MYRIP: variants seen among roughly 807,000 people sequenced by gnomAD.
The protein encoded by MYRIP is myosin VIIA and Rab interacting protein.
MYRIP carries 49 observed loss-of-function variants against 98.0 expected under a neutral mutation model. That is an observed-to-expected ratio of 0.50 (90% CI 0.40 to 0.63). The LOEUF (loss-of-function observed/expected upper bound fraction) is 0.63, where lower values mean the gene tolerates loss of function less well. Among genes scored for constraint, MYRIP ranks in the 30% least tolerant of loss-of-function variants. MYRIP has a pLI of 0.00. For synonymous variants in MYRIP, 404 were observed against 409.5 expected (o/e 0.99, Z 0.16); for missense variants, 1,004 against 1,058.2 (o/e 0.95, Z 0.71).
At chr3:39,905,339 A>G (rs955440230) in intron 2 of MYRIP, among the ~76,000 whole-genome samples, 3 of 152,128 alleles carry the variant, frequency 2.0e-5, no homozygotes, top group Non-Finnish European at 2.9e-5. Flanking sequence ...CTGTTGCTAT[A>G]TTTCAATATA....
intron 1 of MYRIP, among the ~76,000 whole-genome samples, chr3:39,884,798 C>T (rs1317629488): frequency 1.4e-5 from 2 of 138,098 alleles, no homozygotes; most frequent in South Asian, 4.9e-4. Context: ...TATGGCTATA[C>T]AGTCATTATT....
chr3:40,137,274 G>T (rs1949799693), intron 3 of MYRIP, among the ~76,000 whole-genome samples: 1 of 152,298 alleles, frequency 6.6e-6, no homozygotes, highest in South Asian at 2.1e-4. Context: ...GAATAAACTA[G>T]AAAATCTAGA....
intron 1 of MYRIP, among the ~76,000 whole-genome samples, chr3:39,824,388 G>T (rs991898336): frequency 3.9e-5 from 6 of 152,062 alleles, no homozygotes; most frequent in Admixed American, 2.6e-4. Context: ...TTTTTGTGAA[G>T]AATGTCATTA....
At chr3:40,161,019 G>A (rs1950381074) in intron 4 of MYRIP, among the ~76,000 whole-genome samples, 1 of 152,140 alleles carries the variant, frequency 6.6e-6, no homozygotes, top group African/African-American at 2.4e-5. Context: ...GACCATCTTG[G>A]CTCCTCCCTC....
At chr3:40,000,291 A>C (rs1160132235) in intron 2 of MYRIP, among the ~76,000 whole-genome samples, 1 of 152,226 alleles carries the variant, frequency 6.6e-6, no homozygotes, top group African/African-American at 2.4e-5. Flanking sequence ...TATTGTCAAA[A>C]TATCACGCAC....
At chr3:40,136,598 A>G (rs566201579) in intron 3 of MYRIP, among the ~76,000 whole-genome samples, 1 of 151,600 alleles carries the variant, frequency 6.6e-6, no homozygotes, top group South Asian at 2.1e-4. Flanking sequence ...TCAGCACCAC[A>G]CCACACCTAT....
intron 2 of MYRIP, among the ~76,000 whole-genome samples, chr3:40,040,994 G>GAA (rs1322717456): frequency 2.4e-4 from 2 of 8,256 alleles, no homozygotes; most frequent in Non-Finnish European, 3.2e-4. Flanking sequence ...AAAAAAAAAA[G>GAA]AAAAAAAAAA....
chr3:40,111,606 G>T (rs1309986759), intron 3 of MYRIP, among the ~76,000 whole-genome samples: 1 of 152,212 alleles, frequency 6.6e-6, no homozygotes, highest in Non-Finnish European at 1.5e-5. Context: ...GCCAGGGACT[G>T]TGGACAGTGC....
chr3:39,958,084 C>G (rs187648693), intron 2 of MYRIP, among the ~76,000 whole-genome samples: 23 of 152,260 alleles, frequency 1.5e-4, no homozygotes, highest in Middle Eastern at 3.4e-3. Flanking sequence ...GAATCAATAT[C>G]ATGAAAATGG....
chr3:40,136,529 T>C (rs996754450), intron 3 of MYRIP, among the ~76,000 whole-genome samples: 1 of 152,096 alleles, frequency 6.6e-6, no homozygotes, highest in Non-Finnish European at 1.5e-5. Context: ...CTGCACCAAG[T>C]GGACCTAATA....
intron 12 of MYRIP, among the ~76,000 whole-genome samples, chr3:40,234,993 A>C (rs984888424): frequency 1.1e-4 from 5 of 46,562 alleles, no homozygotes; most frequent in African/African-American, 3.1e-4. Context: ...ACCCTGTCTC[A>C]AAAAAAAAAA....
intron 2 of MYRIP, among the ~76,000 whole-genome samples, chr3:39,966,100 T>C (rs1024759599): frequency 1.3e-5 from 2 of 152,102 alleles, no homozygotes; most frequent in Non-Finnish European, 2.9e-5. Flanking sequence ...GATCTCGAGG[T>C]AAGTACACCC....
intron 2 of MYRIP, among the ~76,000 whole-genome samples, chr3:40,005,152 C>G (rs915586868): frequency 3.9e-5 from 6 of 152,118 alleles, no homozygotes; most frequent in Non-Finnish European, 7.3e-5. Context: ...TGTTTATGTA[C>G]CACATTTACT....
At chr3:40,036,317 A>AAG (rs538955544) in intron 2 of MYRIP, among the ~76,000 whole-genome samples, 1 of 149,418 alleles carries the variant, frequency 6.7e-6, no homozygotes, top group East Asian at 2.0e-4. Context: ...AAAAAAAAAA[A>AAG]AAAAAAACTT....
At chr3:39,923,404 C>T (rs756116374) in intron 2 of MYRIP, among the ~76,000 whole-genome samples, 1 of 152,050 alleles carries the variant, frequency 6.6e-6, no homozygotes, top group Non-Finnish European at 1.5e-5. Context: ...CCTAACTATA[C>T]TCTTGAAAAC....
chr3:39,989,675 G>A (rs1231096238), intron 2 of MYRIP, among the ~76,000 whole-genome samples: 2 of 152,162 alleles, frequency 1.3e-5, no homozygotes, highest in African/African-American at 4.8e-5. Flanking sequence ...CTAGGGCTCA[G>A]GCCCAGGGAG....
rs143768181 is a variant in MYRIP at position 39,891,041 on chromosome 3, C to T, written c.-30-9746C>T. On this transcript the variant is annotated intron_variant, in intron 1 of 16. Transcript: ENST00000302541. ...ATAACTTTCCACGTATATTTGGTCT[C>T]TGTCATTTTTTATTGTCTCCTGGTT... Among the ~76,000 whole-genome samples the T allele has an allele frequency of 2.9e-4, 44 of 152,192 alleles. No homozygotes were observed. In the East Asian group the frequency reaches 5.6e-3, roughly 19 times the overall value.
intron 1 of MYRIP, among the ~76,000 whole-genome samples, chr3:39,878,156 G>A (rs562268899): frequency 1.4e-4 from 22 of 152,336 alleles, no homozygotes; most frequent in East Asian, 3.9e-4. Flanking sequence ...AGCCATATGC[G>A]GGATATAATC....
chr3:40,257,172 AAGTT>A (rs572663100), intron 16 of MYRIP, among the ~76,000 whole-genome samples: 13 of 152,192 alleles, frequency 8.5e-5, no homozygotes, highest in African/African-American at 2.4e-4. Flanking sequence ...AAAAAATAAA[AAGTT>A]AGCCAGTCAT....
Sources: allele counts gnomAD v4.1 joint callset (sites outside exome capture counted in the v4.1 genomes callset), GRCh38; gene constraint gnomAD v4.1.1; transcripts MANE v1.5; gene names NCBI Gene and HGNC (gene_info 2026-07-23, HGNC 2026-07-21).